Variants in GRB14 observed in about 807,000 individuals in gnomAD.
GRB14 encodes growth factor receptor bound protein 14, also known as growth factor receptor-bound protein 14.
A neutral mutation model predicts 69.1 loss-of-function variants in GRB14; 38 were observed. That is an observed-to-expected ratio of 0.55 (90% CI 0.42 to 0.72). The LOEUF (loss-of-function observed/expected upper bound fraction) is 0.72, where lower values mean the gene tolerates loss of function less well. GRB14 is among the 30% of genes least tolerant of loss of function. The pLI is 0.00. For synonymous variants in GRB14, 247 were observed against 241.3 expected (o/e 1.02, Z -0.22); for missense variants, 666 against 666.1 (o/e 1.00, Z 0.00).
chr2:164,511,393 A>C (rs555389048), intron 6 of GRB14, among the ~76,000 whole-genome samples: 3 of 152,280 alleles, frequency 2.0e-5, no homozygotes, highest in African/African-American at 7.2e-5. Flanking sequence ...AGTAAAGAGG[A>C]TTCTGTCTTA....
At chr2:164,540,815 T>A (rs1396132696) in intron 3 of GRB14, among the ~76,000 whole-genome samples, 3 of 152,150 alleles carry the variant, frequency 2.0e-5, no homozygotes, top group Admixed American at 6.6e-5. Flanking sequence ...ATCCCCAGAA[T>A]CTACAGCAAA....
At chr2:164,599,210 C>G (rs1689859100) in intron 2 of GRB14, among the ~76,000 whole-genome samples, 1 of 152,136 alleles carries the variant, frequency 6.6e-6, no homozygotes, top group African/African-American at 2.4e-5. Flanking sequence ...TAAGGTAGCT[C>G]AGGGTTCCCA....
intron 2 of GRB14, among the ~76,000 whole-genome samples, chr2:164,549,445 T>C (rs959839351): frequency 6.6e-6 from 1 of 152,212 alleles, no homozygotes. Flanking sequence ...AAGACTTGTT[T>C]ATGTGCCAAA....
chr2:164,620,693 C>A lies in GRB14; in HGVS notation c.191+426G>T, dbSNP rs369058714. Among the ~76,000 whole-genome samples, 5 of 152,274 alleles carry A rather than the reference C, an allele frequency of 3.3e-5. No individual in the cohort carries two copies. The South Asian group carries it at 1.0e-3, about 32-fold the overall frequency. ...TCTTTCCTGCCGAACAGCAAGACTG[C>A]TCGAATGTCAATCCATGCTTTGCTT... is the stretch of plus-strand genomic sequence containing the variant. On this transcript the variant is annotated intron_variant, in intron 1 of 13. Coordinates refer to ENST00000263915, the MANE Select transcript of GRB14 (RefSeq NM_004490.3).
intron 13 of GRB14, among the ~76,000 whole-genome samples, 194 bp downstream of exon 13, chr2:164,494,237 A>G (rs1440554087): frequency 6.6e-6 from 1 of 152,160 alleles, no homozygotes; most frequent in Non-Finnish European, 1.5e-5. Context: ...CAATTCCTGT[A>G]TTTCTTATAT....
intron 3 of GRB14, among the ~76,000 whole-genome samples, chr2:164,547,010 T>G (rs1484999703): frequency 6.6e-6 from 1 of 151,726 alleles, no homozygotes; most frequent in African/African-American, 2.4e-5. Flanking sequence ...AAGGCGAACC[T>G]AGGTTTAAGG....
intron 2 of GRB14, among the ~76,000 whole-genome samples, chr2:164,617,307 T>C (rs938365192): frequency 2.3e-4 from 35 of 152,214 alleles, no homozygotes; most frequent in African/African-American, 5.8e-4. Context: ...TACAGGTGTG[T>C]GTGTGGGTAC....
intron 2 of GRB14, among the ~76,000 whole-genome samples, chr2:164,588,264 G>T (rs916877375): frequency 6.6e-6 from 1 of 152,142 alleles, no homozygotes; most frequent in African/African-American, 2.4e-5. Flanking sequence ...CCCAGCCAAG[G>T]GTGGGAAAGA....
chr2:164,565,103 G>T (rs1337550450), intron 2 of GRB14, among the ~76,000 whole-genome samples: 5 of 152,186 alleles, frequency 3.3e-5, no homozygotes, highest in Non-Finnish European at 7.3e-5. Context: ...GGATATGGAT[G>T]TAAGGCCTTC....
intron 2 of GRB14, among the ~76,000 whole-genome samples, chr2:164,561,751 T>C (rs1047462113): frequency 6.6e-6 from 1 of 152,206 alleles, no homozygotes; most frequent in East Asian, 1.9e-4. Context: ...AAAATGGGTT[T>C]GGCCACCAAG....
chr2:164,560,402 T>C (rs148839934), intron 2 of GRB14, among the ~76,000 whole-genome samples: 175 of 152,316 alleles, frequency 1.1e-3, no homozygotes, highest in Non-Finnish European at 2.3e-3. Flanking sequence ...GGAGTCTTTA[T>C]TTCTCAGTTT....
chr2:164,615,328 T>C lies in GRB14; in HGVS notation c.324+4359A>G, dbSNP rs184563790. 4.4e-3 allele frequency among the ~76,000 whole-genome samples: 665 copies of C among 152,194 alleles called. 3 individuals are homozygous for C. Among genetic ancestry groups the C allele is most frequent in the Middle Eastern group, 0.037 (11 of 294 alleles). On this transcript the variant is annotated intron_variant, in intron 2 of 13. Transcript: ENST00000263915. ...TCTCAGACCAATTTTAGGGAGAAGATGGAGAAGAAAGCTAGAAGAAAAAAC... is the reference window on the plus strand; with the variant it reads ...TCTCAGACCAATTTTAGGGAGAAGACGGAGAAGAAAGCTAGAAGAAAAAAC...
intron 3 of GRB14, among the ~76,000 whole-genome samples, chr2:164,542,418 A>C (rs1688265021): frequency 6.6e-6 from 1 of 152,242 alleles, no homozygotes; most frequent in Admixed American, 6.5e-5. Context: ...AATTAAACTA[A>C]AGAGCTTCTG....
chr2:164,583,672 T>C (rs1338037369), intron 2 of GRB14, among the ~76,000 whole-genome samples: 1 of 152,030 alleles, frequency 6.6e-6, no homozygotes, highest in Non-Finnish European at 1.5e-5. Flanking sequence ...ACTTGATTAG[T>C]CAAAAAAAGG....
chr2:164,550,194 G>C (rs1324822365), intron 2 of GRB14, among the ~76,000 whole-genome samples: 1 of 152,028 alleles, frequency 6.6e-6, no homozygotes, highest in African/African-American at 2.4e-5. Flanking sequence ...ACACTTCCTG[G>C]CCCATGAAAA....
intron 6 of GRB14, among the ~76,000 whole-genome samples, chr2:164,517,883 C>T (rs539817150): frequency 1.7e-4 from 26 of 152,196 alleles, no homozygotes; most frequent in South Asian, 6.2e-4. Flanking sequence ...TTCTACTAGA[C>T]GTAAAGAAAT....
At chr2:164,534,262 C>A (rs1688023972) in intron 3 of GRB14, among the ~76,000 whole-genome samples, 1 of 152,046 alleles carries the variant, frequency 6.6e-6, no homozygotes, top group South Asian at 2.1e-4. Context: ...ATTACATATT[C>A]TTTTTAAATT....
intron 2 of GRB14, among the ~76,000 whole-genome samples, chr2:164,617,550 C>A (rs766944739): frequency 6.6e-6 from 1 of 152,042 alleles, no homozygotes; most frequent in Non-Finnish European, 1.5e-5. Context: ...GGCACTTTAC[C>A]CATTCTTTCT....
intron 2 of GRB14, among the ~76,000 whole-genome samples, chr2:164,565,652 A>G (rs997700643): frequency 2.0e-5 from 3 of 152,224 alleles, no homozygotes; most frequent in Non-Finnish European, 4.4e-5. Context: ...GCGATGAGGT[A>G]AAAGATTCAT....
Sources: allele counts gnomAD v4.1 joint callset (sites outside exome capture counted in the v4.1 genomes callset), GRCh38; gene constraint gnomAD v4.1.1; transcripts MANE v1.5; gene names NCBI Gene and HGNC (gene_info 2026-07-23, HGNC 2026-07-21).